Variants in HSF2 observed in about 807,000 individuals in gnomAD.
The protein encoded by HSF2 is heat shock factor protein 2.
HSF2 carries 21 observed loss-of-function variants against 65.0 expected under a neutral mutation model. The ratio of observed to expected loss-of-function variants is 0.32; its 90% CI spans 0.23 to 0.47. HSF2 has a LOEUF of 0.47. HSF2 is among the 20% of genes least tolerant of loss of function. HSF2 has a pLI of 1.00. For missense variants in HSF2, 499 were observed against 628.1 expected, an observed-to-expected ratio of 0.79 and a Z score of 2.20; for synonymous variants, 225 against 219.1, an observed-to-expected ratio of 1.03 and a Z score of -0.24.
chr6:122,399,607 G>GT, upstream of HSF2: 1 of 709,884 alleles, frequency 1.4e-6, no homozygotes, highest in Non-Finnish European at 2.3e-6. Flanking sequence ...GCCTGGCGGG[G>GT]TTGGGGGGGC....
At chr6:122,429,243 A>G (rs1774408344) in intron 11 of HSF2, among the ~76,000 whole-genome samples, 3 of 152,126 alleles carry the variant, frequency 2.0e-5, no homozygotes, top group African/African-American at 7.2e-5. Context: ...TCATTTGTTC[A>G]TGTAGTGAAT....
At chr6:122,424,751 A>G (rs186215750) in intron 10 of HSF2, among the ~76,000 whole-genome samples, 56 of 152,174 alleles carry the variant, frequency 3.7e-4, no homozygotes, top group Admixed American at 2.6e-3. Context: ...TTTTGATCCT[A>G]TCAGCCTTTC....
intron 5 of HSF2, among the ~76,000 whole-genome samples, chr6:122,416,938 T>TA (rs1192616629): frequency 1.3e-5 from 2 of 152,182 alleles, no homozygotes; most frequent in Non-Finnish European, 2.9e-5. Context: ...ACATAGTAAT[T>TA]AAGGCAGCTA....
At chr6:122,424,325 C>T (rs910959655) in intron 10 of HSF2, among the ~76,000 whole-genome samples, 9 of 151,934 alleles carry the variant, frequency 5.9e-5, no homozygotes, top group Non-Finnish European at 7.4e-5. Context: ...GTGGTCTGGT[C>T]GCGCTTAGAT....
At chr6:122,406,872 A>G (rs557501543) in intron 1 of HSF2, among the ~76,000 whole-genome samples, 1 of 152,158 alleles carries the variant, frequency 6.6e-6, no homozygotes, top group Non-Finnish European at 1.5e-5. Context: ...GAGGAAGTGC[A>G]GTGCTAGAAA....
intron 1 of HSF2, among the ~76,000 whole-genome samples, chr6:122,400,242 G>A (rs1773696481): frequency 6.6e-6 from 1 of 152,158 alleles, no homozygotes; most frequent in Non-Finnish European, 1.5e-5. Context: ...GGAGCCCAGG[G>A]CCAGGATCAT....
chr6:122,432,039 T>C lies in HSF2; in HGVS notation c.1430T>C (p.Val477Ala). ...GCATCATCAGAAGTTTTGTCCTCTG[T>C]AGATAAACCCATAGAAGTTGATGAG... ...TTASSEVLSS[V>A]DKPIEVDELL... Residue 477 changes from valine to alanine, a missense_variant, in exon 13 of 13, where the codon GTA becomes GCA. Val to Ala is a moderately conservative substitution (Grantham distance 64, BLOSUM62 0). Transcript: ENST00000368455. The C allele has an allele frequency of 6.2e-7, 1 of 1,614,162 alleles. No individual in the cohort carries two copies.
At chr6:122,401,839 T>C (rs1773741048) in intron 1 of HSF2, among the ~76,000 whole-genome samples, 1 of 152,184 alleles carries the variant, frequency 6.6e-6, no homozygotes, top group African/African-American at 2.4e-5. Context: ...AGAGATCATC[T>C]AGGTTAGCCT....
At chr6:122,401,148 C>G (rs764973711) in intron 1 of HSF2, among the ~76,000 whole-genome samples, 4 of 152,154 alleles carry the variant, frequency 2.6e-5, no homozygotes, top group Non-Finnish European at 5.9e-5. Context: ...CCACTCCCTG[C>G]TTGGAGTTGA....
At chr6:122,420,651 G>T (rs564374530) in intron 7 of HSF2, among the ~76,000 whole-genome samples, 11 of 88,788 alleles carry the variant, frequency 1.2e-4, no homozygotes, top group African/African-American at 4.5e-4. Context: ...TTTTTAACTT[G>T]ATGTTGCTTT....
chr6:122,403,347 T>C (rs1773785438), intron 1 of HSF2, among the ~76,000 whole-genome samples: 1 of 152,208 alleles, frequency 6.6e-6, no homozygotes, highest in Non-Finnish European at 1.5e-5. Flanking sequence ...GGCTCATGCC[T>C]GTAATCCCAG....
intron 1 of HSF2, among the ~76,000 whole-genome samples, chr6:122,410,952 T>C (rs1208849166): frequency 2.0e-5 from 3 of 149,238 alleles, no homozygotes; most frequent in African/African-American, 7.3e-5. Context: ...TTTTGGGTTT[T>C]TTTTTTTTTT....
chr6:122,423,002 G>A, intron 9 of HSF2, 45 bp downstream of exon 9: 1 of 1,600,614 alleles, frequency 6.2e-7, no homozygotes, highest in Non-Finnish European at 8.6e-7. Flanking sequence ...TGCTTTCTTT[G>A]TTCACTTCAC....
At chr6:122,431,340 A>T in intron 11 of HSF2, 90 bp from the exon 12 acceptor site, 1 of 492,282 alleles carries the variant, frequency 2.0e-6, no homozygotes, top group Non-Finnish European at 3.4e-6. Flanking sequence ...CAGATAATAT[A>T]CCAGTATTTA....
chr6:122,408,826 T>G (rs1343722085), intron 1 of HSF2, among the ~76,000 whole-genome samples: 6 of 151,290 alleles, frequency 4.0e-5, no homozygotes, highest in Non-Finnish European at 8.8e-5. Context: ...TACTAGCTGT[T>G]AGAATGAGAG....
chr6:122,431,254 TAACCA>T (rs1774458744), intron 11 of HSF2, among the ~76,000 whole-genome samples, 171 bp from the exon 12 acceptor site: 2 of 152,132 alleles, frequency 1.3e-5, no homozygotes, highest in African/African-American at 4.8e-5. Context: ...AATAGTTCCT[TAACCA>T]GTCTTGTTAT....
intron 1 of HSF2, among the ~76,000 whole-genome samples, chr6:122,406,820 A>G (rs1359931758): frequency 6.6e-6 from 1 of 152,164 alleles, no homozygotes; most frequent in Non-Finnish European, 1.5e-5. Flanking sequence ...CTTAAATTTG[A>G]CCATGCCTAG....
intron 5 of HSF2, among the ~76,000 whole-genome samples, chr6:122,418,265 T>A (rs527506625): frequency 1.3e-5 from 2 of 152,188 alleles, no homozygotes; most frequent in Non-Finnish European, 2.9e-5. Flanking sequence ...GCAATGTAAT[T>A]TCAAGACATA....
At chr6:122,420,703 T>C (rs1774214613) in intron 7 of HSF2, among the ~76,000 whole-genome samples, 3 of 85,672 alleles carry the variant, frequency 3.5e-5, no homozygotes, top group African/African-American at 1.4e-4. Context: ...TTCATTTCTT[T>C]TTTTTTTTTT....
Sources: gnomAD v4.1 joint callset for allele counts (sites outside exome capture counted in the v4.1 genomes callset) on GRCh38, gnomAD v4.1.1 for gene constraint, MANE v1.5 for transcripts, NCBI Gene and HGNC (gene_info 2026-07-23, HGNC 2026-07-21) for gene names.